Variants in NFKB2 observed in about 807,000 individuals in gnomAD.
NFKB2 encodes the protein nuclear factor NF-kappa-B p100 subunit.
A neutral mutation model predicts 109.3 loss-of-function variants in NFKB2; 21 were observed. The ratio of observed to expected loss-of-function variants is 0.19; its 90% CI spans 0.14 to 0.28. The LOEUF (loss-of-function observed/expected upper bound fraction) is 0.28, where lower values mean the gene tolerates loss of function less well. Among genes scored for constraint, NFKB2 ranks in the 10% least tolerant of loss-of-function variants. NFKB2 has a pLI of 1.00. For missense variants in NFKB2, 806 were observed against 1,185.3 expected, an observed-to-expected ratio of 0.68 and a Z score of 4.70; for synonymous variants, 478 against 489.9, an observed-to-expected ratio of 0.98 and a Z score of 0.32.
upstream of NFKB2, chr10:102,394,891 T>C (rs915359337): frequency 6.6e-6 from 1 of 152,376 alleles, no homozygotes; most frequent in African/African-American, 2.4e-5. Context: ...ACCCACACCC[T>C]TCACGCACAA....
At position 102,396,922 on chromosome 10, in the gene NFKB2, C is replaced by G. The variant is rs1369213686; in HGVS notation, c.262C>G (p.Pro88Ala). 1 of 1,605,200 alleles carries G rather than the reference C, an allele frequency of 6.2e-7. No individual in the cohort carries two copies. Among genetic ancestry groups the G allele is most frequent in the African/African-American group, 1.3e-5 (1 of 74,872 alleles). The part of the protein sequence containing the change: ...PTVKICNYEG[P>A]AKIEVDLVTH... Reference sequence around the variant, plus strand: ...CTCCTAGATCTGTAACTACGAGGGACCAGCCAAGATCGAGGTGGACCTGGT... The same window carrying G: ...CTCCTAGATCTGTAACTACGAGGGAGCAGCCAAGATCGAGGTGGACCTGGT... The change falls in exon 6 of 23, where the codon CCA (proline) becomes GCA (alanine). Residue 88 changes from proline (P) to alanine (A), a missense_variant. Pro to Ala is a conservative substitution (Grantham distance 27, BLOSUM62 -1). Coordinates refer to ENST00000661543, the MANE Select transcript of NFKB2 (RefSeq NM_001322934.2). This position sits in a 1 kb window ranked among gnomAD's most constrained non-coding sequence, Gnocchi z 5.9.
In NFKB2 at chr10:102,398,635, C is replaced by A; in HGVS notation, c.992-104C>A. ...TGAGCCAAGTCAGAAGTGCGAGGGTCCCAGGAGGTGCTTCCTAGGAGCCGG... is the reference window on the plus strand; with the variant it reads ...TGAGCCAAGTCAGAAGTGCGAGGGTACCAGGAGGTGCTTCCTAGGAGCCGG... On this transcript the variant is annotated intron_variant, in intron 11 of 22. Coordinates refer to ENST00000661543, the MANE Select transcript of NFKB2 (RefSeq NM_001322934.2). This position sits in a 1 kb window ranked among gnomAD's most constrained non-coding sequence, Gnocchi z 6.6. 1 of 1,610,364 alleles carries A rather than the reference C, an allele frequency of 6.2e-7. No individual in the cohort carries two copies. Among genetic ancestry groups the A allele is most frequent in the South Asian group, 1.1e-5 (1 of 90,772 alleles).
rs756252511 is a variant in NFKB2, at chr10:102,401,828, G to C, written c.2377G>C (p.Glu793Gln). The C allele has an allele frequency of 6.2e-7, 1 of 1,613,936 alleles. No homozygotes were observed. Among genetic ancestry groups the C allele is most frequent in the Non-Finnish European group, 8.5e-7 (1 of 1,179,944 alleles). Residue 793 changes from glutamate (E) to glutamine (Q), a missense_variant, in exon 21 of 23, where the codon GAG becomes CAG. Glu to Gln is a conservative substitution (Grantham distance 29). Coordinates refer to ENST00000661543, the MANE Select transcript of NFKB2 (RefSeq NM_001322934.2). This position sits in a 1 kb window ranked among gnomAD's most constrained non-coding sequence, Gnocchi z 4.2. The stretch of plus-strand genomic sequence containing the variant: ...GCCAGAAGCCCAGGGCAGCTGGGCA[G>C]AGCTGGCAGAGCGTCTGGGGCTGCG... ...DGPEAQGSWAELAERLGLRSL... is the reference protein window; with the variant it reads ...DGPEAQGSWAQLAERLGLRSL...
Position 102,396,558 on chromosome 10 carries a change from C to A in NFKB2, c.144+69C>A. On this transcript the variant is annotated intron_variant, in intron 4 of 22. Transcript: ENST00000661543. This position sits in a 1 kb window ranked among gnomAD's most constrained non-coding sequence, Gnocchi z 5.9. Reference sequence around the variant, plus strand: ...GGACAAATGGGGTAGTGGTAGCTGGCTGGCCATGGAGGAGCCATTGCCGAA... The same window carrying A: ...GGACAAATGGGGTAGTGGTAGCTGGATGGCCATGGAGGAGCCATTGCCGAA... The A allele has an allele frequency of 6.2e-7, 1 of 1,608,696 alleles. No homozygotes were observed. Among genetic ancestry groups the A allele is most frequent in the East Asian group, 2.2e-5 (1 of 44,840 alleles).
At position 102,396,405 on chromosome 10, in the gene NFKB2, A is replaced by T. The variant is rs768190388; in HGVS notation, c.104-44A>T. On this transcript the variant is annotated intron_variant, in intron 3 of 22. Transcript: ENST00000661543. The surrounding 1 kb of genome is among the most constrained non-coding windows in gnomAD (Gnocchi z 5.9). ...AGAGCATGTGCCCTCTCTCTGGGGG[A>T]GGGGCTGGGAGATCGTGGCTCAGCA... 5.6e-6 allele frequency: 9 copies of T among 1,613,680 alleles called. No homozygotes were observed. Among genetic ancestry groups the T allele is most frequent in the Middle Eastern group, 1.6e-4 (1 of 6,084 alleles).
rs2061248136 is a variant in NFKB2 at position 102,401,510 on chromosome 10, G to A, written c.2285G>A (p.Ser762Asn). ...NTMEPPLTPPSPAGPGLSLGD... is the reference protein window; with the variant it reads ...NTMEPPLTPPNPAGPGLSLGD... ...ATGGAGCCACCCCTGACCCCGCCCA[G>A]CCCAGCAGGTGAGAAGCATCAGGCA... Residue 762 changes from serine to asparagine, a missense_variant, in exon 20 of 23, where the codon AGC (serine) becomes AAC (asparagine). By Grantham distance (46) the Ser-to-Asn change is conservative (BLOSUM62 1). This residue lies in a region of NFKB2 where 211 missense variants were observed against 268.7 expected (regional missense o/e 0.79). Coordinates refer to ENST00000661543, the MANE Select transcript of NFKB2 (RefSeq NM_001322934.2). This position sits in a 1 kb window ranked among gnomAD's most constrained non-coding sequence, Gnocchi z 4.2. 2 of 1,612,938 alleles carry A rather than the reference G, an allele frequency of 1.2e-6. No individual in the cohort carries two copies. Among genetic ancestry groups the A allele is most frequent in the Middle Eastern group, 1.7e-4 (1 of 5,882 alleles).
At position 102,401,594 on chromosome 10, in the gene NFKB2, A is replaced by C. The variant is rs2061252236; in HGVS notation, c.2293+76A>C. ...GTCTCTTCTCCTTCAGGACCTCTGA[A>C]GGAGGCCTCCCTTTCTCTACCCTCA... is the stretch of plus-strand genomic sequence containing the variant. On this transcript the variant is annotated intron_variant, in intron 20 of 22. Coordinates refer to ENST00000661543, the MANE Select transcript of NFKB2 (RefSeq NM_001322934.2). This position sits in a 1 kb window ranked among gnomAD's most constrained non-coding sequence, Gnocchi z 4.2. 1 of 1,559,982 alleles carries C rather than the reference A, an allele frequency of 6.4e-7. No homozygotes were observed. The highest frequency in any genetic ancestry group is 1.4e-5 in the African/African-American group (1 of 73,750).
In NFKB2 at chr10:102,400,081, C is replaced by T; in HGVS notation, c.1471C>T (p.Pro491Ser). Residue 491 changes from proline to serine, a missense_variant and splice_region_variant, in exon 15 of 23, where the codon CCA becomes TCA. Physicochemically the swap from Pro to Ser is moderately conservative, Grantham distance 74. Transcript: ENST00000661543. The surrounding 1 kb of genome is among the most constrained non-coding windows in gnomAD (Gnocchi z 6.3). ...AGACTCTCGCTCCCCAACCCCCAGA[C>T]CACTGCACCTAGCCATCATCCACGG... ...LTAQDENGDT[P>S]LHLAIIHGQT... The T allele has an allele frequency of 8.1e-6, 13 of 1,613,962 alleles. No homozygotes were observed. Among genetic ancestry groups the T allele is most frequent in the Non-Finnish European group, 1.1e-5 (13 of 1,179,894 alleles).
At position 102,399,513 on chromosome 10, in the gene NFKB2, C is replaced by A; in HGVS notation, c.1327+16C>A. On this transcript the variant is annotated intron_variant, in intron 13 of 22. Transcript: ENST00000661543. ...CTGCAGCGAGGTATGGACTCCGGGG[C>A]ACGGGCGGTCGGGGCGCCGGGGCTG... is the stretch of plus-strand genomic sequence containing the variant. The A allele has an allele frequency of 6.7e-7, 1 of 1,499,408 alleles. No individual in the cohort carries two copies. Among genetic ancestry groups the A allele is most frequent in the Non-Finnish European group, 8.9e-7 (1 of 1,123,314 alleles). 92.9% of individuals were successfully genotyped at this position (1,499,408 alleles called of 1,614,324 possible). A position where few individuals can be genotyped will look rare whatever the true frequency, so the allele number is the denominator to read the frequency against.
At chr10:102,402,196 G>C in intron 22 of NFKB2, 37 bp downstream of exon 22, 2 of 1,554,074 alleles carry the variant, frequency 1.3e-6, no homozygotes, top group South Asian at 2.4e-5. Flanking sequence ...TCTGGACCTG[G>C]AGGGCCGGAG....
At chr10:102,395,657 C>G (rs542070888), upstream of NFKB2, 9 of 504,810 alleles carry the variant, frequency 1.8e-5, no homozygotes, top group Admixed American at 6.9e-5. Flanking sequence ...CCCGCCCCCT[C>G]CGGCCCCGCC....
Position 102,400,380 on chromosome 10 carries a change from G to C in NFKB2, c.1687G>C (p.Ala563Pro), listed in dbSNP as rs2061210577. Residue 563 changes from alanine (A) to proline (P), a missense_variant, in exon 16 of 23, where the codon GCC becomes CCC. This residue lies in a region of NFKB2 where 163 missense variants were observed against 207.1 expected (regional missense o/e 0.79). Coordinates refer to ENST00000661543, the MANE Select transcript of NFKB2 (RefSeq NM_001322934.2). The surrounding 1 kb of genome is among the most constrained non-coding windows in gnomAD (Gnocchi z 6.3). ...TCTGCTGGATCGGCATGGAGACTCAGCCATGCATCTGGCGCTGCGGGCAGG... is the reference window on the plus strand; with the variant it reads ...TCTGCTGGATCGGCATGGAGACTCACCCATGCATCTGGCGCTGCGGGCAGG... ...PALLDRHGDS[A>P]MHLALRAGAG... 4 of 1,613,648 alleles carry C rather than the reference G, an allele frequency of 2.5e-6. 1 individual carries two copies. The Admixed American group carries it at 5.0e-5, about 20-fold the overall frequency.
In NFKB2 at chr10:102,397,419, A is replaced by AG. The variant is rs1565205722; in HGVS notation, c.502+16dup. 6 of 365,390 alleles carry AG rather than the reference A, an allele frequency of 1.6e-5. No individual in the cohort carries two copies. In the Middle Eastern group the frequency reaches 2.6e-3, roughly 160 times the overall value. The allele number at this position is 365,390 out of a possible 1,614,324, so 22.6% of individuals were successfully genotyped here. A position where few individuals can be genotyped will look rare whatever the true frequency, so the allele number is the denominator to read the frequency against. Reference sequence around the variant, plus strand: ...CCCAGGGCCTTACGGGTATGGGTGCAGGGGGTGGGTCGGGTATGGGTGCAG... The same window carrying AG: ...CCCAGGGCCTTACGGGTATGGGTGCAGGGGGGTGGGTCGGGTATGGGTGCAG... On this transcript the variant is annotated intron_variant, in intron 7 of 22. Coordinates refer to ENST00000661543, the MANE Select transcript of NFKB2 (RefSeq NM_001322934.2). This position sits in a 1 kb window ranked among gnomAD's most constrained non-coding sequence, Gnocchi z 4.7.
Position 102,398,138 on chromosome 10 carries a change from C to T in NFKB2, c.766+53C>T. 1 of 1,612,084 alleles carries T rather than the reference C, an allele frequency of 6.2e-7. No individual in the cohort carries two copies. The highest frequency in any genetic ancestry group is 1.1e-5 in the South Asian group (1 of 91,042). On this transcript the variant is annotated intron_variant, in intron 9 of 22. Transcript: ENST00000661543. The surrounding 1 kb of genome is among the most constrained non-coding windows in gnomAD (Gnocchi z 6.6). ...AAGGACATCGAGTATAAGACTGGGGCCAGGGAAGCTCTAGGGTAAATGGCC... is the reference window on the plus strand; with the variant it reads ...AAGGACATCGAGTATAAGACTGGGGTCAGGGAAGCTCTAGGGTAAATGGCC...
Position 102,396,210 on chromosome 10 carries a change from G to C in NFKB2, c.22-43G>C, listed in dbSNP as rs45526132. The stretch of plus-strand genomic sequence containing the variant: ...GAGATGGGAGGTGGGGCTGTGGGGG[G>C]TGCTGAGAGTCGGATGCCACCCCCA... On this transcript the variant is annotated intron_variant, in intron 2 of 22. Transcript: ENST00000661543. This position sits in a 1 kb window ranked among gnomAD's most constrained non-coding sequence, Gnocchi z 5.9. 1.2e-3 allele frequency: 1,955 copies of C among 1,575,806 alleles called. 19 individuals carry two copies. The African/African-American group carries it at 0.021, about 17-fold the overall frequency.
At chr10:102,394,926 C>T (rs1572532), upstream of NFKB2, among the ~76,000 whole-genome samples, 150,808 of 152,366 alleles carry the variant, frequency 0.99, 74,657 homozygotes, top group East Asian at 1. Context: ...CACCCGTGTC[C>T]GTACATCAAG....
At position 102,402,340 on chromosome 10, in the gene NFKB2, G is replaced by A. The variant is rs1053322406; in HGVS notation, c.2667G>A (p.Gly889=). 6.4e-7 allele frequency: 1 copy of A among 1,564,700 alleles called. No individual in the cohort carries two copies. Among genetic ancestry groups the A allele is most frequent in the South Asian group, 1.2e-5 (1 of 83,532 alleles). The change falls in exon 23 of 23, where the codon GGG becomes GGA. Residue 889 remains glycine (G), a synonymous_variant. Coordinates refer to ENST00000661543, the MANE Select transcript of NFKB2 (RefSeq NM_001322934.2). ...GCCCACCCCCTGAGCCACCAGGAGGGCTCTGCCACGGGCACCCCCAGCCTC... is the reference window on the plus strand; with the variant it reads ...GCCCACCCCCTGAGCCACCAGGAGGACTCTGCCACGGGCACCCCCAGCCTC... ...KLGPPPEPPG[G]LCHGHPQPQV...
chr10:102,398,608 C>T lies in NFKB2; in HGVS notation c.991+85C>T. On this transcript the variant is annotated intron_variant, in intron 11 of 22. Transcript: ENST00000661543. The surrounding 1 kb of genome is among the most constrained non-coding windows in gnomAD (Gnocchi z 6.6). ...GTCCCAAGAGCTAGATGTGGGGATGCATGAGCCAAGTCAGAAGTGCGAGGG... is the reference window on the plus strand; with the variant it reads ...GTCCCAAGAGCTAGATGTGGGGATGTATGAGCCAAGTCAGAAGTGCGAGGG... 1 of 1,609,238 alleles carries T rather than the reference C, an allele frequency of 6.2e-7. No homozygotes were observed. The highest frequency in any genetic ancestry group is 8.5e-7 in the Non-Finnish European group (1 of 1,177,588).
At position 102,401,398 on chromosome 10, in the gene NFKB2, CAGGCTTA is replaced by C; in HGVS notation, c.2224-47_2224-41del. On this transcript the variant is annotated intron_variant, in intron 19 of 22. Coordinates refer to ENST00000661543, the MANE Select transcript of NFKB2 (RefSeq NM_001322934.2). This position sits in a 1 kb window ranked among gnomAD's most constrained non-coding sequence, Gnocchi z 4.2. ...TCCAGAGTATCTGGACTTAAAGACA[CAGGCTTA>C]AGGACGAGGTGGGAGGTAGTCAGAA... 1 of 1,613,402 alleles carries C rather than the reference CAGGCTTA, an allele frequency of 6.2e-7. No individual in the cohort carries two copies. The highest frequency in any genetic ancestry group is 8.5e-7 in the Non-Finnish European group (1 of 1,179,702).
Sources: allele counts gnomAD v4.1 joint callset (sites outside exome capture counted in the v4.1 genomes callset), GRCh38; gene constraint gnomAD v4.1.1; regional missense constraint gnomAD v4.1.1; non-coding constraint Gnocchi (gnomAD v3.1); transcripts MANE v1.5; gene names NCBI Gene and HGNC (gene_info 2026-07-23, HGNC 2026-07-21).